BMAL1: variants seen among roughly 807,000 people sequenced by gnomAD.
The protein encoded by BMAL1 is basic helix-loop-helix ARNT-like protein 1.
chr11:13,359,062 G>T, the BMAL1 span, among the ~76,000 whole-genome samples: 3 of 152,340 alleles, frequency 2.0e-5, no homozygotes, highest in East Asian at 5.8e-4. Flanking sequence ...TTGTTGTCAG[G>T]AATGAACACT....
chr11:13,381,415 TG>T, the BMAL1 span, among the ~76,000 whole-genome samples: 1 of 152,166 alleles, frequency 6.6e-6, no homozygotes, highest in Non-Finnish European at 1.5e-5. Context: ...CAAAGCATAC[TG>T]GTAGGGCTAG....
chr11:13,320,620 G>A, the BMAL1 span, among the ~76,000 whole-genome samples: 1 of 152,176 alleles, frequency 6.6e-6, no homozygotes, highest in African/African-American at 2.4e-5. Context: ...CCTCTCAGAT[G>A]TTCAGCACAA....
At chr11:13,278,285 G>GA in the BMAL1 span, among the ~76,000 whole-genome samples, 3 of 152,226 alleles carry the variant, frequency 2.0e-5, no homozygotes, top group Non-Finnish European at 2.9e-5. Context: ...CTGGCGGGGG[G>GA]AGGGGGCAGC....
the BMAL1 span, among the ~76,000 whole-genome samples, chr11:13,351,067 A>G: frequency 6.6e-6 from 1 of 152,200 alleles, no homozygotes; most frequent in African/African-American, 2.4e-5. Context: ...TGACTATGGT[A>G]GATTATTGTA....
the BMAL1 span, among the ~76,000 whole-genome samples, chr11:13,302,987 T>C: frequency 6.6e-6 from 1 of 152,236 alleles, no homozygotes; most frequent in Non-Finnish European, 1.5e-5. Flanking sequence ...GGCCTCGAGC[T>C]GATTAACAAT....
the BMAL1 span, among the ~76,000 whole-genome samples, chr11:13,375,281 A>C: frequency 2.0e-5 from 3 of 152,254 alleles, no homozygotes; most frequent in African/African-American, 7.2e-5. Flanking sequence ...ATTGAGATAA[A>C]GCATGACATT....
the BMAL1 span, chr11:13,380,386 G>A: frequency 6.6e-6 from 1 of 152,000 alleles, no homozygotes; most frequent in African/African-American, 2.4e-5. Flanking sequence ...TGTAGGAGCT[G>A]AGAGTCCTGT....
chr11:13,354,475 C>T, the BMAL1 span: 1 of 1,606,344 alleles, frequency 6.2e-7, no homozygotes. Flanking sequence ...ATGTCTTCCT[C>T]TTGTTAAACT....
the BMAL1 span, among the ~76,000 whole-genome samples, chr11:13,302,938 A>G: frequency 2.0e-5 from 3 of 152,220 alleles, no homozygotes; most frequent in Non-Finnish European, 4.4e-5. Context: ...TTGCCCTGCC[A>G]CTGACCGTGC....
the BMAL1 span, among the ~76,000 whole-genome samples, chr11:13,343,898 G>C: frequency 6.6e-6 from 1 of 152,092 alleles, no homozygotes. Flanking sequence ...CCCCTTGCAG[G>C]ATCCTCTCAA....
At chr11:13,370,393 T>C in the BMAL1 span, among the ~76,000 whole-genome samples, 59 of 152,314 alleles carry the variant, frequency 3.9e-4, no homozygotes, top group African/African-American at 1.4e-3. Context: ...TTCATAAATA[T>C]ACTGCTTACT....
At chr11:13,353,608 C>A in the BMAL1 span, 1 of 152,084 alleles carries the variant, frequency 6.6e-6, no homozygotes. Flanking sequence ...TCTTGAGGTC[C>A]AGAGTTCAAG....
At chr11:13,317,217 A>G in the BMAL1 span, among the ~76,000 whole-genome samples, 1 of 152,226 alleles carries the variant, frequency 6.6e-6, no homozygotes, top group Non-Finnish European at 1.5e-5. Flanking sequence ...CTGTGATGAA[A>G]GGGAGATGGT....
the BMAL1 span, among the ~76,000 whole-genome samples, chr11:13,297,900 C>G: frequency 2.6e-5 from 4 of 152,304 alleles, no homozygotes; most frequent in African/African-American, 9.6e-5. Context: ...AAAGCTGTCT[C>G]CTGCTTCCAA....
At chr11:13,338,766 C>A in the BMAL1 span, among the ~76,000 whole-genome samples, 1 of 152,214 alleles carries the variant, frequency 6.6e-6, no homozygotes, top group East Asian at 1.9e-4. Context: ...TCAGTGTCAT[C>A]TTCTATGTGA....
chr11:13,385,266 T>C, the BMAL1 span, among the ~76,000 whole-genome samples: 1 of 152,248 alleles, frequency 6.6e-6, no homozygotes, highest in Non-Finnish European at 1.5e-5. Context: ...TTCATTTGAC[T>C]CCTTGAGCTG....
chr11:13,288,394 T>TTTTCTTTCTTTCTTCTTTCTTTCTTTC, the BMAL1 span, among the ~76,000 whole-genome samples: 6 of 43,300 alleles, frequency 1.4e-4, no homozygotes, highest in Non-Finnish European at 1.3e-4. Flanking sequence ...GGATTTTCTT[T>TTTTCTTTCTTTCTTCTTTCTTTCTTTC]TTTCTTTCTT....
chr11:13,292,711 G>A, the BMAL1 span, among the ~76,000 whole-genome samples: 1 of 152,124 alleles, frequency 6.6e-6, no homozygotes, highest in Non-Finnish European at 1.5e-5. Context: ...GCTGAAACCA[G>A]GTAGAAGTTT....
the BMAL1 span, among the ~76,000 whole-genome samples, chr11:13,340,816 C>G: frequency 1.7e-4 from 26 of 152,314 alleles, no homozygotes; most frequent in African/African-American, 6.0e-4. Context: ...TTTCAACCAG[C>G]ACAAGGCCAT....
Sources: allele counts gnomAD v4.1 joint callset (sites outside exome capture counted in the v4.1 genomes callset), GRCh38; gene constraint gnomAD v4.1.1; transcripts MANE v1.5; gene names NCBI Gene and HGNC (gene_info 2026-07-23, HGNC 2026-07-21).